The following ADH1B variants were observed in gnomAD, a reference collection of about 807,000 sequenced individuals.
ADH1B encodes the protein all-trans-retinol dehydrogenase [NAD(+)] ADH1B.
A neutral mutation model predicts 34.6 loss-of-function variants in ADH1B; 29 were observed. That is an observed-to-expected ratio of 0.84 (90% CI 0.62 to 1.14). The LOEUF is 1.14. ADH1B is among the 50% of genes most tolerant of loss of function. ADH1B has a pLI of 0.00. For missense variants in ADH1B, 424 were observed against 468.4 expected (o/e 0.91, Z 0.87); for synonymous variants, 170 against 175.5 (o/e 0.97, Z 0.25).
chr4:99,314,766 C>T (rs1733835783), intron 5 of ADH1B: 1 of 152,230 alleles, frequency 6.6e-6, no homozygotes, highest in South Asian at 2.1e-4. Flanking sequence ...TGGGTAGGAT[C>T]ACTTTGACCA....
intron 1 of ADH1B, chr4:99,320,520 A>G (rs1319756189): frequency 6.1e-6 from 1 of 163,574 alleles, no homozygotes; most frequent in Non-Finnish European, 1.3e-5. Context: ...AATTAAAAAA[A>G]TCAATTGATT....
intron 6 of ADH1B, chr4:99,313,611 G>A (rs1733804192): frequency 2.4e-6 from 2 of 834,612 alleles, no homozygotes; most frequent in South Asian, 4.2e-5. Context: ...TTTTCCTCTA[G>A]AGGAAATATG....
rs1733640050 is a variant in ADH1B at position 99,307,527 on chromosome 4, C to A, written c.*313G>T. 2.5e-6 allele frequency: 1 copy of A among 395,618 alleles called. No homozygotes were observed. Among genetic ancestry groups the A allele is most frequent in the Non-Finnish European group, 4.6e-6 (1 of 216,652 alleles). The allele number at this position is 395,618 out of a possible 1,614,324, so 24.5% of individuals were successfully genotyped here. A position where few individuals can be genotyped will look rare whatever the true frequency, so the allele number is the denominator to read the frequency against. ...TCGATGACTAAAGATTATGAAGATACCAAAAATGCAAGAAGTCACAGGAAT... is the reference window on the plus strand; with the variant it reads ...TCGATGACTAAAGATTATGAAGATAACAAAAATGCAAGAAGTCACAGGAAT... On this transcript the variant is annotated 3_prime_UTR_variant, in exon 9 of 9. Transcript: ENST00000305046.
At chr4:99,315,403 T>C (rs1025181142) in intron 5 of ADH1B, 1 of 189,256 alleles carries the variant, frequency 5.3e-6, no homozygotes, top group African/African-American at 2.4e-5. Context: ...TTACTTTCCG[T>C]CTAAGAATCC....
At chr4:99,313,731 A>G in intron 6 of ADH1B, 90 bp downstream of exon 6, 1 of 1,592,236 alleles carries the variant, frequency 6.3e-7, no homozygotes, top group African/African-American at 1.4e-5. Context: ...CATTAAAAAT[A>G]TCCTTTATAC....
chr4:99,318,979 C>T, intron 1 of ADH1B, 93 bp from the exon 2 acceptor site: 1 of 1,335,356 alleles, frequency 7.5e-7, no homozygotes, highest in Non-Finnish European at 1.1e-6. Flanking sequence ...AATATTGCGT[C>T]CCATGTCTGG....
chr4:99,307,573 G>T lies in ADH1B; in HGVS notation c.*267C>A. On this transcript the variant is annotated 3_prime_UTR_variant, in exon 9 of 9. Transcript: ENST00000305046. ...GGAATATTTTTCCTCAATGGCAAAG[G>T]TGACACAGTAGAATGGTTAAGAAGG... is the stretch of plus-strand genomic sequence containing the variant. The T allele has an allele frequency of 8.2e-6, 4 of 489,610 alleles. No individual in the cohort carries two copies. The highest frequency in any genetic ancestry group is 3.8e-5 in the East Asian group (1 of 26,162). 30.3% of individuals were successfully genotyped at this position (489,610 alleles called of 1,614,324 possible).
chr4:99,320,857 G>T, intron 1 of ADH1B: 1 of 1,259,220 alleles, frequency 7.9e-7, no homozygotes, highest in Non-Finnish European at 1.0e-6. Context: ...TAAGGTTAAA[G>T]GATATTTCAG....
chr4:99,317,052 T>C (rs983472012), intron 3 of ADH1B: 6 of 152,184 alleles, frequency 3.9e-5, no homozygotes, highest in Non-Finnish European at 8.8e-5. Context: ...CATTTTGTTG[T>C]TAATTTATTT....
At chr4:99,315,075 A>T (rs1733845438) in intron 5 of ADH1B, 1 of 152,236 alleles carries the variant, frequency 6.6e-6, no homozygotes, top group Non-Finnish European at 1.5e-5. Context: ...ACTGTGATTT[A>T]AAAACACTAA....
chr4:99,307,525 T>C lies in ADH1B; in HGVS notation c.*315A>G. On this transcript the variant is annotated 3_prime_UTR_variant, in exon 9 of 9. Coordinates refer to ENST00000305046, the MANE Select transcript of ADH1B (RefSeq NM_000668.6). ...ATTCGATGACTAAAGATTATGAAGA[T>C]ACCAAAAATGCAAGAAGTCACAGGA... The C allele has an allele frequency of 2.5e-6, 1 of 394,766 alleles. No homozygotes were observed. Among genetic ancestry groups the C allele is most frequent in the Non-Finnish European group, 4.6e-6 (1 of 215,904 alleles). 24.5% of individuals were successfully genotyped at this position (394,766 alleles called of 1,614,324 possible).
rs1199699072 is a variant in ADH1B, at chr4:99,311,774, T to C, written c.829-118A>G. 6.3e-6 allele frequency: 9 copies of C among 1,432,778 alleles called. No homozygotes were observed. The African/African-American group carries it at 8.5e-5, about 14-fold the overall frequency. The allele number at this position is 1,432,778 out of a possible 1,614,324, so 88.8% of individuals were successfully genotyped here. On this transcript the variant is annotated intron_variant, in intron 6 of 8. Transcript: ENST00000305046. ...GTGAGTGTGTAGAGGGAAGAGATCATGTCTTTTGATCCTTCATTCCCCTTT... is the reference window on the plus strand; with the variant it reads ...GTGAGTGTGTAGAGGGAAGAGATCACGTCTTTTGATCCTTCATTCCCCTTT...
Position 99,307,708 on chromosome 4 carries a change from GA to G in ADH1B, c.*131del, listed in dbSNP as rs1733646072. On this transcript the variant is annotated 3_prime_UTR_variant, in exon 9 of 9. Coordinates refer to ENST00000305046, the MANE Select transcript of ADH1B (RefSeq NM_000668.6). Reference sequence around the variant, plus strand: ...TTTCCCATCAATTTCCATTTCTTTGGAAAGCCCCCATGTGTAATTTATTGAT... The same window carrying G: ...TTTCCCATCAATTTCCATTTCTTTGGAAGCCCCCATGTGTAATTTATTGAT... 9.3e-7 allele frequency: 1 copy of G among 1,075,722 alleles called. No homozygotes were observed. The highest frequency in any genetic ancestry group is 1.4e-6 in the Non-Finnish European group (1 of 735,114). The allele number at this position is 1,075,722 out of a possible 1,614,324, so 66.6% of individuals were successfully genotyped here.
intron 6 of ADH1B, chr4:99,313,573 G>T (rs1244911823): frequency 3.8e-6 from 2 of 532,550 alleles, no homozygotes; most frequent in South Asian, 3.8e-5. Flanking sequence ...ATCTATAATT[G>T]CTCAGTTAAG....
At chr4:99,311,362 T>C (rs970233335) in intron 7 of ADH1B, among the ~76,000 whole-genome samples, 159 bp downstream of exon 7, 5 of 152,202 alleles carry the variant, frequency 3.3e-5, no homozygotes, top group Admixed American at 1.3e-4. Flanking sequence ...CTAGTTGATT[T>C]GGAGACTGTA....
intron 8 of ADH1B, among the ~76,000 whole-genome samples, chr4:99,309,650 C>T (rs1478426532): frequency 2.0e-5 from 3 of 152,116 alleles, no homozygotes; most frequent in Non-Finnish European, 4.4e-5. Flanking sequence ...TGTACATGCA[C>T]TCTTGAGGGG....
chr4:99,316,098 T>TC lies in ADH1B; in HGVS notation c.366dup (p.Thr123AspfsTer33), dbSNP rs1360221523. ...AACCTCCTGGTGCCATCCTGCAGGG[T>TC]CCCCCGAGGATTGCCTAGACTGGGC... On this transcript the variant is annotated frameshift_variant, in exon 5 of 9. Coordinates refer to ENST00000305046, the MANE Select transcript of ADH1B (RefSeq NM_000668.6). LOFTEE classifies it high-confidence loss of function. The TC allele has an allele frequency of 3.1e-6, 5 of 1,613,856 alleles. No homozygotes were observed. The Admixed American group carries it at 8.3e-5, about 27-fold the overall frequency.
rs1326412000 is a variant in ADH1B, at chr4:99,305,578, T to C, written c.*2262A>G. ...CCCATAGTGTATATATATATATATA[T>C]ATATATATATATATATATATATATA... On this transcript the variant is annotated 3_prime_UTR_variant, in exon 9 of 9. Transcript: ENST00000305046. The C allele has an allele frequency of 1.3e-5, 1 of 78,734 alleles. No individual in the cohort carries two copies. Among genetic ancestry groups the C allele is most frequent in the Non-Finnish European group, 2.6e-5 (1 of 39,098 alleles). 4.9% of individuals were successfully genotyped at this position (78,734 alleles called of 1,614,324 possible). A position where few individuals can be genotyped will look rare whatever the true frequency, so the allele number is the denominator to read the frequency against.
At chr4:99,309,944 T>C (rs944856180) in intron 8 of ADH1B, among the ~76,000 whole-genome samples, 2 of 152,090 alleles carry the variant, frequency 1.3e-5, no homozygotes, top group African/African-American at 4.8e-5. Context: ...GTATAATGAT[T>C]TTGTGAGTGC....
Sources: gnomAD v4.1 joint callset for allele counts (sites outside exome capture counted in the v4.1 genomes callset) on GRCh38, gnomAD v4.1.1 for gene constraint, MANE v1.5 for transcripts, NCBI Gene and HGNC (gene_info 2026-07-23, HGNC 2026-07-21) for gene names.